The following DNAH14 variants were observed in gnomAD, a reference collection of about 807,000 sequenced individuals.
DNAH14 encodes the protein dynein axonemal heavy chain 14, also known as axonemal beta dynein heavy chain 14.
Under a neutral mutation model 520.9 loss-of-function variants are expected in DNAH14, and 478 were observed. The ratio of observed to expected loss-of-function variants is 0.92; its 90% CI spans 0.85 to 0.99. The LOEUF is 0.99. DNAH14 is among the 50% of genes least tolerant of loss of function. The pLI is 0.00. For synonymous variants in DNAH14, 1,581 were observed against 1,757.2 expected, an observed-to-expected ratio of 0.90 and a Z score of 2.51; for missense variants, 4,831 against 5,234.5, an observed-to-expected ratio of 0.92 and a Z score of 2.38.
rs775475147 is a variant in DNAH14, at chr1:225,189,405, CTTTCT to C, written c.5671-3282_5671-3278del. Among the ~76,000 whole-genome samples the C allele has an allele frequency of 5.5e-3, 740 of 134,214 alleles. 5 individuals carry two copies. The highest frequency in any genetic ancestry group is 0.02 in the African/African-American group (691 of 34,306). 88.0% of individuals were successfully genotyped at this position (134,214 alleles called of 152,430 possible). On this transcript the variant is annotated intron_variant, in intron 37 of 85. Coordinates refer to ENST00000682510, the MANE Select transcript of DNAH14 (RefSeq NM_001367479.1). The stretch of plus-strand genomic sequence containing the variant: ...GTATTAGAAAGTGTTTCCTAGTTTT[CTTTCT>C]TTTCTTTTTTTTTTTTACAAGAGTT...
intron 61 of DNAH14, among the ~76,000 whole-genome samples, chr1:225,319,411 A>C (rs2094521415): frequency 6.6e-6 from 1 of 152,212 alleles, no homozygotes; most frequent in Non-Finnish European, 1.5e-5. Context: ...GAATGTGTTG[A>C]GTTTTCTGCT....
intron 10 of DNAH14, among the ~76,000 whole-genome samples, chr1:225,016,627 A>T (rs1235233639): frequency 6.6e-6 from 1 of 152,154 alleles, no homozygotes; most frequent in Non-Finnish European, 1.5e-5. Flanking sequence ...ATTTCATTAA[A>T]CATATTTTTC....
At position 225,399,187 on chromosome 1, in the gene DNAH14, C is replaced by T; in HGVS notation, c.13772C>T (p.Ser4591Leu). 6.4e-7 allele frequency: 1 copy of T among 1,551,680 alleles called. No homozygotes were observed. The highest frequency in any genetic ancestry group is 8.7e-7 in the Non-Finnish European group (1 of 1,146,954). The change falls in exon 86 of 86, where the codon TCA (serine) becomes TTA (leucine). Residue 4591 changes from serine (S) to leucine (L), a missense_variant. Ser to Leu is a moderately radical substitution (Grantham distance 145, BLOSUM62 -2). Transcript: ENST00000682510. The stretch of plus-strand genomic sequence containing the variant: ...GGTTTACCAACAAACTTTTTAACAT[C>T]AGTGTATTTATCAACGAAGAAACCT... ...TTGLPTNFLTSVYLSTKKPPS... is the reference protein window; with the variant it reads ...TTGLPTNFLTLVYLSTKKPPS...
At chr1:225,129,773 C>G (rs1211358969) in intron 27 of DNAH14, among the ~76,000 whole-genome samples, 2 of 152,000 alleles carry the variant, frequency 1.3e-5, no homozygotes, top group Non-Finnish European at 2.9e-5. Flanking sequence ...GACTTCATGT[C>G]TAAAACACCA....
At chr1:225,124,391 C>G (rs1416806538) in intron 27 of DNAH14, among the ~76,000 whole-genome samples, 1 of 152,174 alleles carries the variant, frequency 6.6e-6, no homozygotes, top group Admixed American at 6.5e-5. Context: ...AAATTGGAGT[C>G]AATTCTCTCA....
Position 225,026,638 on chromosome 1 carries a change from A to T in DNAH14, c.1358+2773A>T, listed in dbSNP as rs139443046. Among the ~76,000 whole-genome samples, 666 of 152,262 alleles carry T rather than the reference A, an allele frequency of 4.4e-3. 2 individuals are homozygous for T. Among genetic ancestry groups the T allele is most frequent in the Non-Finnish European group, 7.1e-3 (480 of 68,026 alleles). On this transcript the variant is annotated intron_variant, in intron 11 of 85. Transcript: ENST00000682510. ...GCTCCATGTCTGTCCTTATGCCAGT[A>T]CCATACTGTCTTGATTACTATAGCT...
At chr1:225,212,417 A>G (rs767512423) in intron 41 of DNAH14, among the ~76,000 whole-genome samples, 2 of 152,136 alleles carry the variant, frequency 1.3e-5, no homozygotes, top group Non-Finnish European at 2.9e-5. Flanking sequence ...TTGGGTATAT[A>G]CCCAGTAATG....
intron 19 of DNAH14, among the ~76,000 whole-genome samples, chr1:225,081,902 A>C (rs557941368): frequency 4.6e-5 from 7 of 152,250 alleles, no homozygotes; most frequent in African/African-American, 1.7e-4. Flanking sequence ...TTTTGGTGTT[A>C]AAGTATTTTT....
In DNAH14 at chr1:225,080,591, A is replaced by G. The variant is rs1461324641; in HGVS notation, c.2979A>G (p.Glu993=). 1.3e-6 allele frequency: 2 copies of G among 1,552,070 alleles called. No homozygotes were observed. Among genetic ancestry groups the G allele is most frequent in the African/African-American group, 2.7e-5 (2 of 73,066 alleles). The change falls in exon 19 of 86, where the codon GAA becomes GAG. Residue 993 remains glutamate (E), a synonymous_variant. Transcript: ENST00000682510. ...TGCTTTCAGAGATCTCTGACATTGA[A>G]GGTGACTTGACTTTGAGGAAAAAAC... The part of the protein sequence containing the change: ...QIVLSEISDI[E]GDLTLRKKLW...
chr1:225,281,421 C>T (rs972892830), intron 54 of DNAH14, among the ~76,000 whole-genome samples: 1 of 152,094 alleles, frequency 6.6e-6, no homozygotes, highest in African/African-American at 2.4e-5. Flanking sequence ...TGGGCCCAGC[C>T]AGATAATCTA....
intron 37 of DNAH14, among the ~76,000 whole-genome samples, chr1:225,189,089 C>T (rs572366947): frequency 2.0e-5 from 3 of 151,950 alleles, no homozygotes; most frequent in Admixed American, 2.0e-4. Context: ...AATGCTTTTT[C>T]TGTGCCTTTT....
chr1:225,333,547 T>C (rs1339234756), intron 66 of DNAH14, 41 bp downstream of exon 66: 1 of 1,497,956 alleles, frequency 6.7e-7, no homozygotes, highest in Non-Finnish European at 9.0e-7. Context: ...TGGCTATTAT[T>C]GTTTATTTGG....
intron 43 of DNAH14, among the ~76,000 whole-genome samples, chr1:225,246,140 A>G (rs912945286): frequency 4.0e-5 from 6 of 150,664 alleles, no homozygotes; most frequent in East Asian, 2.0e-4. Flanking sequence ...AGGATTCCCT[A>G]TTTAATAAAT....
intron 7 of DNAH14, chr1:224,969,917 G>A (rs1446064728): frequency 6.6e-6 from 1 of 152,230 alleles, no homozygotes; most frequent in East Asian, 1.9e-4. Context: ...TGTGTTGATT[G>A]CGTTAACTGC....
chr1:225,174,268 T>A (rs2219879), intron 36 of DNAH14, among the ~76,000 whole-genome samples: 48,500 of 151,828 alleles, frequency 0.32, 9,023 homozygotes, highest in East Asian at 0.61. Context: ...TAATAAATTT[T>A]AAAAAAAGTT....
rs995740765 is a variant in DNAH14, at chr1:225,374,847, G to A, written c.12478G>A (p.Glu4160Lys). The change falls in exon 78 of 86, where the codon GAA (glutamate) becomes AAA (lysine). Residue 4160 changes from glutamate (E) to lysine (K), a missense_variant. By Grantham distance (56) the Glu-to-Lys change is moderately conservative (BLOSUM62 1). Transcript: ENST00000682510. ...KTLLYKFCNPEVLKDDFSFSS... is the reference protein window; with the variant it reads ...KTLLYKFCNPKVLKDDFSFSS... ...CCTACTCTACAAATTTTGTAATCCT[G>A]AAGTGCTGAAAGATGACTTCAGTTT... The A allele has an allele frequency of 1.2e-5, 18 of 1,551,000 alleles. No homozygotes were observed. The highest frequency in any genetic ancestry group is 1.3e-5 in the Non-Finnish European group (15 of 1,146,606).
chr1:225,070,154 C>A (rs935144697), intron 17 of DNAH14, among the ~76,000 whole-genome samples: 2 of 151,780 alleles, frequency 1.3e-5, no homozygotes, highest in South Asian at 2.1e-4. Context: ...TTCAAAAAAC[C>A]CAGCTCCTGG....
intron 11 of DNAH14, among the ~76,000 whole-genome samples, chr1:225,029,010 A>G (rs2066340235): frequency 6.6e-6 from 1 of 152,092 alleles, no homozygotes; most frequent in Non-Finnish European, 1.5e-5. Context: ...AATATTTATA[A>G]TGGCTTTATT....
chr1:225,180,909 T>C lies in DNAH14; in HGVS notation c.5536-4382T>C, dbSNP rs544045321. Among the ~76,000 whole-genome samples, 5 of 152,340 alleles carry C rather than the reference T, an allele frequency of 3.3e-5. No homozygotes were observed. The South Asian group carries it at 1.0e-3, about 32-fold the overall frequency. On this transcript the variant is annotated intron_variant, in intron 36 of 85. Transcript: ENST00000682510. The stretch of plus-strand genomic sequence containing the variant: ...TGTGTGATGCTGAGGTTTGGGCTTC[T>C]ATTTATTCCATTATCCAGATAGTGA...
Sources: allele counts gnomAD v4.1 joint callset (sites outside exome capture counted in the v4.1 genomes callset), GRCh38; gene constraint gnomAD v4.1.1; transcripts MANE v1.5; gene names NCBI Gene and HGNC (gene_info 2026-07-23, HGNC 2026-07-21).